The following KIF13B variants were observed in gnomAD, a reference collection of about 807,000 sequenced individuals.
The protein encoded by KIF13B is kinesin family member 13B.
A neutral mutation model predicts 222.0 loss-of-function variants in KIF13B; 127 were observed. The ratio of observed to expected loss-of-function variants is 0.57; its 90% CI spans 0.50 to 0.66. KIF13B has a LOEUF of 0.66. Among genes scored for constraint, KIF13B ranks in the 30% least tolerant of loss-of-function variants. KIF13B has a pLI of 0.00. For missense variants in KIF13B, 2,173 were observed against 2,379.0 expected (o/e 0.91, Z 1.80); for synonymous variants, 976 against 919.0 (o/e 1.06, Z -1.12).
chr8:29,112,657 T>C (rs972080851), intron 32 of KIF13B, among the ~76,000 whole-genome samples: 3 of 152,120 alleles, frequency 2.0e-5, no homozygotes, highest in African/African-American at 2.4e-5. Context: ...ATCCCCTCTT[T>C]GAGGGTGAGG....
At chr8:29,080,868 TG>T (rs1356605072) in intron 37 of KIF13B, among the ~76,000 whole-genome samples, 1 of 152,222 alleles carries the variant, frequency 6.6e-6, no homozygotes, top group African/African-American at 2.4e-5. Flanking sequence ...CATGGGTTTC[TG>T]ACCCACATGA....
Position 29,111,913 on chromosome 8 carries a change from G to A in KIF13B, c.3930+1550C>T, listed in dbSNP as rs571760021. Among the ~76,000 whole-genome samples the A allele has an allele frequency of 3.3e-5, 5 of 152,340 alleles. No homozygotes were observed. The South Asian group carries it at 1.0e-3, about 32-fold the overall frequency. ...CAAACAAGAGTGAATGAAGCACACA[G>A]AGCAATCTATTACAGGCCCAAGACC... On this transcript the variant is annotated intron_variant, in intron 32 of 39. Transcript: ENST00000524189.
At chr8:29,154,925 T>A (rs1457521116) in intron 14 of KIF13B, among the ~76,000 whole-genome samples, 1 of 152,172 alleles carries the variant, frequency 6.6e-6, no homozygotes, top group East Asian at 1.9e-4. Context: ...TTTTTTGACA[T>A]CATAAAATGA....
chr8:29,105,480 T>TG (rs1174816033), intron 35 of KIF13B, among the ~76,000 whole-genome samples: 1 of 152,108 alleles, frequency 6.6e-6, no homozygotes, highest in Non-Finnish European at 1.5e-5. Flanking sequence ...GTGAAGCCAG[T>TG]GGGGGGTCCA....
intron 2 of KIF13B, among the ~76,000 whole-genome samples, chr8:29,243,996 C>T (rs1815903710): frequency 6.6e-6 from 1 of 152,160 alleles, no homozygotes; most frequent in African/African-American, 2.4e-5. Flanking sequence ...TTCAGATTTT[C>T]TCCAAATCCA....
At position 29,087,661 on chromosome 8, in the gene KIF13B, G is replaced by A. The variant is rs369222292; in HGVS notation, c.4458+5084C>T. On this transcript the variant is annotated intron_variant, in intron 37 of 39. Transcript: ENST00000524189. ...CGTCGGTAGAGGCCACCATTTAGAC[G>A]AGAAAGGAAACACTGCCAGCATTTG... Among the ~76,000 whole-genome samples the A allele has an allele frequency of 1.2e-4, 19 of 152,266 alleles. No individual in the cohort carries two copies. The South Asian group carries it at 2.7e-3, about 22-fold the overall frequency.
chr8:29,097,464 T>A (rs369688958), intron 36 of KIF13B, among the ~76,000 whole-genome samples: 1 of 152,180 alleles, frequency 6.6e-6, no homozygotes, highest in African/African-American at 2.4e-5. Flanking sequence ...ATCCAGAGGA[T>A]TTGAACAAGG....
chr8:29,176,546 A>T (rs1812484361), intron 9 of KIF13B, among the ~76,000 whole-genome samples: 1 of 152,202 alleles, frequency 6.6e-6, no homozygotes, highest in Non-Finnish European at 1.5e-5. Context: ...CATCTGGGTG[A>T]CAGTGTTTTA....
chr8:29,236,449 T>A (rs1815511769), intron 2 of KIF13B, among the ~76,000 whole-genome samples: 1 of 152,192 alleles, frequency 6.6e-6, no homozygotes, highest in South Asian at 2.1e-4. Flanking sequence ...AATTGGCATA[T>A]CTTTTAAATT....
chr8:29,079,308 A>G (rs894840386), intron 37 of KIF13B, among the ~76,000 whole-genome samples: 3 of 152,228 alleles, frequency 2.0e-5, no homozygotes, highest in African/African-American at 7.2e-5. Context: ...CTGCAACTGC[A>G]GGGAGCAGCG....
chr8:29,197,353 A>C (rs1451067253), intron 2 of KIF13B, among the ~76,000 whole-genome samples: 2 of 149,606 alleles, frequency 1.3e-5, no homozygotes, highest in African/African-American at 4.9e-5. Context: ...AAAAAAAAAA[A>C]AAAAAAAACT....
At position 29,182,021 on chromosome 8, in the gene KIF13B, CAAAG is replaced by C. The variant is rs1812734993; in HGVS notation, c.498-19_498-16del. ...TCTGACGGCTTCTGTTCATGAAAAA[CAAAG>C]AAATGATTTTTTAACAATAGCCTAT... On this transcript the variant is annotated splice_polypyrimidine_tract_variant and intron_variant, in intron 6 of 39. Coordinates refer to ENST00000524189, the MANE Select transcript of KIF13B (RefSeq NM_015254.4). 6.2e-7 allele frequency: 1 copy of C among 1,603,754 alleles called. No individual in the cohort carries two copies. The highest frequency in any genetic ancestry group is 8.5e-7 in the Non-Finnish European group (1 of 1,171,818).
chr8:29,074,886 A>G (rs992853421), intron 38 of KIF13B, among the ~76,000 whole-genome samples: 3 of 152,252 alleles, frequency 2.0e-5, no homozygotes, highest in African/African-American at 7.2e-5. Context: ...GTGGGAGATT[A>G]TAAGAGACTA....
chr8:29,234,837 T>A (rs1437292737), intron 2 of KIF13B, among the ~76,000 whole-genome samples: 3 of 151,898 alleles, frequency 2.0e-5, no homozygotes, highest in African/African-American at 7.3e-5. Context: ...TGGCAAATCA[T>A]AAAAATGACG....
rs76315663 is a variant in KIF13B, at chr8:29,075,144, C to T, written c.4521+137G>A. 1.0e-3 allele frequency: 706 copies of T among 699,354 alleles called. 10 individuals carry two copies. In the East Asian group the frequency reaches 0.017, roughly 17 times the overall value. 43.3% of individuals were successfully genotyped at this position (699,354 alleles called of 1,614,324 possible). A position where few individuals can be genotyped will look rare whatever the true frequency, so the allele number is the denominator to read the frequency against. On this transcript the variant is annotated intron_variant, in intron 38 of 39. Coordinates refer to ENST00000524189, the MANE Select transcript of KIF13B (RefSeq NM_015254.4). ...ACAAGGAAAATAGAGAGGGAGAAGG[C>T]AGTGACCTATATTATAACTAATTAC...
At chr8:29,198,478 C>G (rs538174439) in intron 2 of KIF13B, among the ~76,000 whole-genome samples, 2 of 152,204 alleles carry the variant, frequency 1.3e-5, no homozygotes, top group Admixed American at 6.5e-5. Flanking sequence ...CACACCACCA[C>G]GCCCGGCTAA....
intron 18 of KIF13B, among the ~76,000 whole-genome samples, chr8:29,143,947 A>G (rs1177659163): frequency 6.6e-6 from 1 of 151,990 alleles, no homozygotes. Flanking sequence ...CCAGCTTATA[A>G]GAGCAATGTG....
rs1807319956 is a variant in KIF13B, at chr8:29,072,100, C to T, written c.4738G>A (p.Asp1580Asn). 7.4e-7 allele frequency: 1 copy of T among 1,353,140 alleles called. No homozygotes were observed. Among genetic ancestry groups the T allele is most frequent in the Non-Finnish European group, 9.5e-7 (1 of 1,049,924 alleles). 83.8% of individuals were successfully genotyped at this position (1,353,140 alleles called of 1,614,324 possible). A position where few individuals can be genotyped will look rare whatever the true frequency, so the allele number is the denominator to read the frequency against. Residue 1580 changes from aspartate (D) to asparagine (N), a missense_variant, in exon 39 of 40, where the codon GAC becomes AAC. Coordinates refer to ENST00000524189, the MANE Select transcript of KIF13B (RefSeq NM_015254.4). ...SHSVSTATLS[D>N]ALGPGLDAAA... ...GCGTCCAGGCCGGGGCCCAGGGCGT[C>T]CGACAGGGTCGCGGTGGAGACGCTG...
intron 2 of KIF13B, among the ~76,000 whole-genome samples, chr8:29,244,988 A>G (rs1027107267): frequency 6.6e-6 from 1 of 152,234 alleles, no homozygotes; most frequent in African/African-American, 2.4e-5. Flanking sequence ...GGGCTCTGAC[A>G]GCATTTGAAC....
Sources: gnomAD v4.1 joint callset for allele counts (sites outside exome capture counted in the v4.1 genomes callset) on GRCh38, gnomAD v4.1.1 for gene constraint, MANE v1.5 for transcripts, NCBI Gene and HGNC (gene_info 2026-07-23, HGNC 2026-07-21) for gene names.